Variants in LRP1 observed in about 807,000 individuals in gnomAD.
LRP1 encodes prolow-density lipoprotein receptor-related protein 1.
In LRP1, 51 loss-of-function variants were observed where a neutral mutation model predicts 541.5. That is an observed-to-expected ratio of 0.09 (90% CI 0.08 to 0.12). LRP1 has a LOEUF of 0.12. Among genes scored for constraint, LRP1 ranks in the 10% least tolerant of loss-of-function variants. LRP1 has a pLI of 1.00. For missense variants in LRP1, 3,878 were observed against 6,376.2 expected (o/e 0.61, Z 13.34); for synonymous variants, 2,219 against 2,470.8 (o/e 0.90, Z 3.02).
At chr12:57,195,235 TC>T in intron 51 of LRP1, 35 bp from the exon 52 acceptor site, 1 of 1,609,180 alleles carries the variant, frequency 6.2e-7, no homozygotes, top group Non-Finnish European at 8.5e-7. Flanking sequence ...ATCTACCCGC[TC>T]CTAAGTCTCT....
Position 57,196,244 on chromosome 12 carries a change from C to A in LRP1, c.8859C>A (p.Ser2953Arg). ...ECLSRKLSGC[S>R]QDCEDLKIGF... ...TCAGCCGCAAGCTCAGTGGCTGCAG[C>A]CAGGACTGTGAGGACCTCAAGATCG... The change falls in exon 55 of 89, where the codon AGC becomes AGA. Residue 2953 changes from serine (S) to arginine (R), a missense_variant. By Grantham distance (110) the Ser-to-Arg change is moderately radical. Transcript: ENST00000243077. 1 of 1,605,940 alleles carries A rather than the reference C, an allele frequency of 6.2e-7. No individual in the cohort carries two copies. The highest frequency in any genetic ancestry group is 1.1e-5 in the South Asian group (1 of 90,352).
At chr12:57,209,366 C>A (rs547234109) in intron 79 of LRP1, among the ~76,000 whole-genome samples, 167 bp downstream of exon 79, 1 of 152,372 alleles carries the variant, frequency 6.6e-6, no homozygotes, top group East Asian at 1.9e-4. Context: ...TGAACCAGCC[C>A]TGCAGGCCTG....
At chr12:57,202,616 G>T (rs1262134210) in intron 68 of LRP1, 79 bp downstream of exon 68, 13 of 1,096,332 alleles carry the variant, frequency 1.2e-5, no homozygotes, top group Non-Finnish European at 1.7e-5. Context: ...GCCACAGGCC[G>T]CGCCAGAGCT....
chr12:57,189,064 C>T lies in LRP1; in HGVS notation c.7031+1608C>T, dbSNP rs1009338869. On this transcript the variant is annotated intron_variant, in intron 42 of 88. Transcript: ENST00000243077. The surrounding 1 kb of genome is among the most constrained non-coding windows in gnomAD (Gnocchi z 4.4). Reference sequence around the variant, plus strand: ...CTCCTGAGCCCTCCCCGCGTCAGCACTGGAGCACTGATGGCCCTGTAGAGC... The same window carrying T: ...CTCCTGAGCCCTCCCCGCGTCAGCATTGGAGCACTGATGGCCCTGTAGAGC... Among the ~76,000 whole-genome samples, 1 of 152,218 alleles carries T rather than the reference C, an allele frequency of 6.6e-6. No individual in the cohort carries two copies.
chr12:57,200,826 G>GGACCCCCCC lies in LRP1; in HGVS notation c.10225+11_10225+12insGACCCCCCC. Reference sequence around the variant, plus strand: ...ACGAGGCCAACTGTGGTAAGGCGCTGCCCGCCCACCCTCCCTCCTTCCCCA... The same window carrying GGACCCCCCC: ...ACGAGGCCAACTGTGGTAAGGCGCTGGACCCCCCCCCCGCCCACCCTCCCTCCTTCCCCA... On this transcript the variant is annotated intron_variant, in intron 64 of 88. Transcript: ENST00000243077. 6.3e-7 allele frequency: 1 copy of GGACCCCCCC among 1,581,438 alleles called. No individual in the cohort carries two copies. The highest frequency in any genetic ancestry group is 8.6e-7 in the Non-Finnish European group (1 of 1,157,680).
intron 44 of LRP1, 63 bp downstream of exon 44, chr12:57,191,575 A>T: frequency 4.9e-6 from 7 of 1,423,022 alleles, no homozygotes; most frequent in Non-Finnish European, 6.7e-6. Flanking sequence ...ATACAAACAC[A>T]CACCCCACAC....
intron 20 of LRP1, 37 bp downstream of exon 20, chr12:57,169,344 G>T: frequency 6.4e-7 from 1 of 1,558,458 alleles, no homozygotes; most frequent in Non-Finnish European, 8.7e-7. Context: ...GGATGAGATC[G>T]AGCCCCCTGC....
rs184493148 is a variant in LRP1 at position 57,178,701 on chromosome 12, G to A, written c.4606+98G>A. ...AGAGGAGAGGGCAGTGAGAACAGGA[G>A]CAAGTCTGTGCTGGGATGGCAGGGG... On this transcript the variant is annotated intron_variant, in intron 27 of 88. Transcript: ENST00000243077. This position sits in a 1 kb window ranked among gnomAD's most constrained non-coding sequence, Gnocchi z 5.8. 7.7e-4 allele frequency: 1,204 copies of A among 1,565,644 alleles called. 9 individuals carry two copies. In the Admixed American group the frequency reaches 0.02, roughly 26 times the overall value.
At position 57,209,827 on chromosome 12, in the gene LRP1, C is replaced by G. The variant is rs2036867779; in HGVS notation, c.12398C>G (p.Ala4133Gly). Reference sequence around the variant, plus strand: ...AACCTGACAGGGGGCCTGAGCCACGCCTCTGACGTGGTCCTTTACCATCAG... The same window carrying G: ...AACCTGACAGGGGGCCTGAGCCACGGCTCTGACGTGGTCCTTTACCATCAG... ...LVNLTGGLSHASDVVLYHQHK... is the reference protein window; with the variant it reads ...LVNLTGGLSHGSDVVLYHQHK... Residue 4133 changes from alanine to glycine, a missense_variant, in exon 80 of 89, where the codon GCC becomes GGC. Ala to Gly is a moderately conservative substitution (Grantham distance 60, BLOSUM62 0). Around this residue, in one of 13 missense-constraint regions of LRP1, gnomAD observed 871 missense variants for 1,212.4 expected, o/e 0.72. Coordinates refer to ENST00000243077, the MANE Select transcript of LRP1 (RefSeq NM_002332.3). The G allele has an allele frequency of 1.9e-6, 3 of 1,614,210 alleles. No individual in the cohort carries two copies. Among genetic ancestry groups the G allele is most frequent in the African/African-American group, 1.3e-5 (1 of 75,068 alleles).
chr12:57,169,089 G>C (rs2035894510), intron 19 of LRP1, 51 bp from the exon 20 acceptor site: 2 of 1,538,192 alleles, frequency 1.3e-6, no homozygotes, highest in Non-Finnish European at 1.8e-6. Flanking sequence ...CACAGAGAAG[G>C]CTGCTCCACC....
intron 1 of LRP1, among the ~76,000 whole-genome samples, chr12:57,134,105 A>G (rs1181096790): frequency 1.3e-5 from 2 of 151,212 alleles, no homozygotes; most frequent in African/African-American, 4.8e-5. Context: ...GGCCCTGGGG[A>G]CCGTGGCTGG....
chr12:57,206,377 C>T lies in LRP1; in HGVS notation c.11591-96C>T. 7.7e-7 allele frequency: 1 copy of T among 1,292,620 alleles called. No homozygotes were observed. Among genetic ancestry groups the T allele is most frequent in the Admixed American group, 1.8e-5 (1 of 56,020 alleles). 80.1% of individuals were successfully genotyped at this position (1,292,620 alleles called of 1,614,324 possible). On this transcript the variant is annotated intron_variant, in intron 75 of 88. Coordinates refer to ENST00000243077, the MANE Select transcript of LRP1 (RefSeq NM_002332.3). The surrounding 1 kb of genome is among the most constrained non-coding windows in gnomAD (Gnocchi z 4.7). ...CTTCTGGCCGGAGCAGATGGTCCTACCAGGAGATGGGACAGTGTTCATGTG... is the reference window on the plus strand; with the variant it reads ...CTTCTGGCCGGAGCAGATGGTCCTATCAGGAGATGGGACAGTGTTCATGTG...
intron 6 of LRP1, chr12:57,149,143 G>A: frequency 4.4e-6 from 2 of 458,450 alleles, no homozygotes; most frequent in Non-Finnish European, 7.7e-6. Context: ...GACCCTCTCA[G>A]CCTCCCACCC....
rs781543376 is a variant in LRP1 at position 57,183,869 on chromosome 12, C to T, written c.5889C>T (p.Gly1963=). ...GGCGTGAAGACGTGGTGACCAATGG[C>T]ATTGGCCGTGTGGAGGGCATTGCAG... is the stretch of plus-strand genomic sequence containing the variant. The part of the protein sequence containing the change: ...QTWREDVVTN[G]IGRVEGIAVD... The change falls in exon 36 of 89, where the codon GGC becomes GGT. Residue 1963 remains glycine (G), a synonymous_variant. Transcript: ENST00000243077. This position sits in a 1 kb window ranked among gnomAD's most constrained non-coding sequence, Gnocchi z 6.1. The T allele has an allele frequency of 6.2e-7, 1 of 1,614,198 alleles. No individual in the cohort carries two copies. The highest frequency in any genetic ancestry group is 8.5e-7 in the Non-Finnish European group (1 of 1,180,044).
Position 57,184,741 on chromosome 12 carries a change from G to C in LRP1, c.6187-98G>C. ...GGAGTGAGTTAGGGGAGGCTGAACT[G>C]AGGGCCTCACTCTGGCCCAGGCACT... On this transcript the variant is annotated intron_variant, in intron 38 of 88. Coordinates refer to ENST00000243077, the MANE Select transcript of LRP1 (RefSeq NM_002332.3). The surrounding 1 kb of genome is among the most constrained non-coding windows in gnomAD (Gnocchi z 7.8). The C allele has an allele frequency of 7.5e-7, 1 of 1,328,296 alleles. No homozygotes were observed. The allele number at this position is 1,328,296 out of a possible 1,614,324, so 82.3% of individuals were successfully genotyped here. A position where few individuals can be genotyped will look rare whatever the true frequency, so the allele number is the denominator to read the frequency against.
At position 57,180,137 on chromosome 12, in the gene LRP1, C is replaced by T. The variant is rs747190101; in HGVS notation, c.5232C>T (p.Pro1744=). The T allele has an allele frequency of 5.6e-6, 9 of 1,613,408 alleles. No homozygotes were observed. The highest frequency in any genetic ancestry group is 7.6e-6 in the Non-Finnish European group (9 of 1,179,874). Residue 1744 remains proline, a synonymous_variant, in exon 31 of 89, where the codon CCC becomes CCT. Coordinates refer to ENST00000243077, the MANE Select transcript of LRP1 (RefSeq NM_002332.3). ...TGCTCTTCAGTGGCCAGAAGGGCCC[C>T]GTGGGTACGAGCTTCCCTGCCCACC... The part of the protein sequence containing the change: ...RTLLFSGQKG[P]VGLAIDFPES...
chr12:57,179,663 T>C lies in LRP1; in HGVS notation c.4966+107T>C, dbSNP rs1304179890. The C allele has an allele frequency of 8.6e-6, 12 of 1,393,000 alleles. No homozygotes were observed. In the African/African-American group the frequency reaches 1.6e-4, roughly 18 times the overall value. The allele number at this position is 1,393,000 out of a possible 1,614,324, so 86.3% of individuals were successfully genotyped here. On this transcript the variant is annotated intron_variant, in intron 29 of 88. Coordinates refer to ENST00000243077, the MANE Select transcript of LRP1 (RefSeq NM_002332.3). The surrounding 1 kb of genome is among the most constrained non-coding windows in gnomAD (Gnocchi z 6.8). ...CGAGTGGTCCTTCTCCCAGTCCTGT[T>C]CCCCCTCAGTGCTCCAGCCTGGTTT...
chr12:57,143,577 A>C, intron 3 of LRP1, 102 bp from the exon 4 acceptor site: 1 of 1,425,318 alleles, frequency 7.0e-7, no homozygotes, highest in Non-Finnish European at 9.6e-7. Context: ...CAGCCCTTAG[A>C]AGTGGTTTCT....
Position 57,166,026 on chromosome 12 carries a change from G to A in LRP1, c.2672-58G>A, listed in dbSNP as rs1800174. On this transcript the variant is annotated intron_variant, in intron 16 of 88. Coordinates refer to ENST00000243077, the MANE Select transcript of LRP1 (RefSeq NM_002332.3). ...GCTCTGGCAGTGCCTATACTGGAGC[G>A]GGCAGGAAGCTGGGGGCACCCAACT... The A allele has an allele frequency of 0.32, 524,104 of 1,612,696 alleles. 88,564 individuals are homozygous for A. Among genetic ancestry groups the A allele is most frequent in the African/African-American group, 0.47 (35,490 of 74,946 alleles).
Sources: gnomAD v4.1 joint callset for allele counts (sites outside exome capture counted in the v4.1 genomes callset) on GRCh38, gnomAD v4.1.1 for gene constraint, gnomAD v4.1.1 regional missense constraint, Gnocchi (gnomAD v3.1) non-coding constraint, MANE v1.5 for transcripts, NCBI Gene and HGNC (gene_info 2026-07-23, HGNC 2026-07-21) for gene names.